Variants in KIRREL3 observed in about 807,000 individuals in gnomAD.
KIRREL3 encodes the protein kin of IRRE-like protein 3.
In KIRREL3, 36 loss-of-function variants were observed where a neutral mutation model predicts 89.7. The ratio of observed to expected loss-of-function variants is 0.40; its 90% CI spans 0.31 to 0.53. The LOEUF (loss-of-function observed/expected upper bound fraction) is 0.53, where lower values mean the gene tolerates loss of function less well. Among genes scored for constraint, KIRREL3 ranks in the 20% least tolerant of loss-of-function variants. The pLI, the probability that KIRREL3 is intolerant of heterozygous loss-of-function variation, is 0.49. For missense variants in KIRREL3, 864 were observed against 1,056.6 expected (o/e 0.82, Z 2.53); for synonymous variants, 445 against 441.4 (o/e 1.01, Z -0.10).
chr11:126,789,367 C>T (rs1950570396), intron 1 of KIRREL3, among the ~76,000 whole-genome samples: 1 of 152,176 alleles, frequency 6.6e-6, no homozygotes, highest in African/African-American at 2.4e-5. Flanking sequence ...GGACCATTCC[C>T]ACAAAGCAGA....
chr11:126,513,593 C>T lies in KIRREL3; in HGVS notation c.433+7722G>A, dbSNP rs534440166. On this transcript the variant is annotated intron_variant, in intron 4 of 16. Coordinates refer to ENST00000525144, the MANE Select transcript of KIRREL3 (RefSeq NM_032531.4). The surrounding 1 kb of genome is among the most constrained non-coding windows in gnomAD (Gnocchi z 5.9). ...CCACCTCATTTCCCAACATGAGGGACGACCCCAGGCTGGGGGAGAGTTTTG... is the reference window on the plus strand; with the variant it reads ...CCACCTCATTTCCCAACATGAGGGATGACCCCAGGCTGGGGGAGAGTTTTG... 4.6e-5 allele frequency among the ~76,000 whole-genome samples: 7 copies of T among 152,148 alleles called. No individual in the cohort carries two copies. Among genetic ancestry groups the T allele is most frequent in the African/African-American group, 1.2e-4 (5 of 41,438 alleles).
Position 126,557,341 on chromosome 11 carries a change from G to A in KIRREL3, c.133+5494C>T, listed in dbSNP as rs1377648758. 6.6e-6 allele frequency among the ~76,000 whole-genome samples: 1 copy of A among 152,210 alleles called. No homozygotes were observed. On this transcript the variant is annotated intron_variant, in intron 2 of 16. Coordinates refer to ENST00000525144, the MANE Select transcript of KIRREL3 (RefSeq NM_032531.4). This position sits in a 1 kb window ranked among gnomAD's most constrained non-coding sequence, Gnocchi z 5.6. The stretch of plus-strand genomic sequence containing the variant: ...GGAAAGCCAGTCTATTGACTTTTTT[G>A]TACTGGTTCCTTTGGTGACCAAGAC...
rs928961789 is a variant in KIRREL3, at chr11:126,558,846, G to A, written c.133+3989C>T. ...TGTGCACACATGTGGGTGTATGTGT[G>A]CATGTGTATACATGTGTGCAGGTGT... is the stretch of plus-strand genomic sequence containing the variant. On this transcript the variant is annotated intron_variant, in intron 2 of 16. Transcript: ENST00000525144. The surrounding 1 kb of genome is among the most constrained non-coding windows in gnomAD (Gnocchi z 4.0). Among the ~76,000 whole-genome samples, 4 of 152,170 alleles carry A rather than the reference G, an allele frequency of 2.6e-5. No individual in the cohort carries two copies. The highest frequency in any genetic ancestry group is 7.2e-5 in the African/African-American group (3 of 41,430).
At position 126,521,215 on chromosome 11, in the gene KIRREL3, GA is replaced by G; in HGVS notation, c.433+99del. ...CTGGAGCCCTGTGGGATGATCCCCA[GA>G]GGGGAGTCTCCCCATGTCTGACCAA... On this transcript the variant is annotated intron_variant, in intron 4 of 16. Transcript: ENST00000525144. This position sits in a 1 kb window ranked among gnomAD's most constrained non-coding sequence, Gnocchi z 4.1. 1 of 1,267,316 alleles carries G rather than the reference GA, an allele frequency of 7.9e-7. No individual in the cohort carries two copies. The highest frequency in any genetic ancestry group is 1.0e-6 in the Non-Finnish European group (1 of 955,302). The allele number at this position is 1,267,316 out of a possible 1,614,324, so 78.5% of individuals were successfully genotyped here.
Position 126,431,210 on chromosome 11 carries a change from T to C in KIRREL3, c.1696+209A>G, listed in dbSNP as rs1241416942. The C allele has an allele frequency of 6.7e-7, 1 of 1,493,826 alleles. No individual in the cohort carries two copies. Among genetic ancestry groups the C allele is most frequent in the Non-Finnish European group, 9.0e-7 (1 of 1,117,132 alleles). 92.5% of individuals were successfully genotyped at this position (1,493,826 alleles called of 1,614,324 possible). A position where few individuals can be genotyped will look rare whatever the true frequency, so the allele number is the denominator to read the frequency against. On this transcript the variant is annotated intron_variant, in intron 14 of 16. Coordinates refer to ENST00000525144, the MANE Select transcript of KIRREL3 (RefSeq NM_032531.4). This position sits in a 1 kb window ranked among gnomAD's most constrained non-coding sequence, Gnocchi z 7.1. ...CAGATGAAGTTCAGTCTAGTCCAGG[T>C]CAACCTCAGCCTAGCGCCCACTCTG...
At position 126,801,965 on chromosome 11, in the gene KIRREL3, C is replaced by T. The variant is rs79347926; in HGVS notation, c.55+198490G>A. Among the ~76,000 whole-genome samples the T allele has an allele frequency of 6.6e-3, 1,007 of 152,174 alleles. 8 individuals carry two copies. The highest frequency in any genetic ancestry group is 0.021 in the African/African-American group (868 of 41,520). ...AAAAATTGAATCAGTATCCTAAAAT[C>T]TAAGAAAAGCAAAAGTAAGATTTCA... is the stretch of plus-strand genomic sequence containing the variant. On this transcript the variant is annotated intron_variant, in intron 1 of 16. Transcript: ENST00000525144.
chr11:126,532,942 T>G (rs1348011696), intron 2 of KIRREL3, among the ~76,000 whole-genome samples: 1 of 152,016 alleles, frequency 6.6e-6, no homozygotes, highest in Non-Finnish European at 1.5e-5. Context: ...ATATTTTTAT[T>G]GCTATAAAAT....
intron 1 of KIRREL3, among the ~76,000 whole-genome samples, chr11:126,592,510 C>T (rs1252996360): frequency 6.6e-6 from 1 of 152,216 alleles, no homozygotes; most frequent in Admixed American, 6.5e-5. Flanking sequence ...CACCCTGTAG[C>T]TTCTCCAAGA....
rs1939635660 is a variant in KIRREL3, at chr11:126,555,503, T to A, written c.133+7332A>T. On this transcript the variant is annotated intron_variant, in intron 2 of 16. Coordinates refer to ENST00000525144, the MANE Select transcript of KIRREL3 (RefSeq NM_032531.4). The surrounding 1 kb of genome is among the most constrained non-coding windows in gnomAD (Gnocchi z 4.2). ...GCATCACTGGAGCAGAGACTTGAGC[T>A]GTGATTTGAAGGATGAGCGGGAATT... Among the ~76,000 whole-genome samples, 1 of 152,076 alleles carries A rather than the reference T, an allele frequency of 6.6e-6. No individual in the cohort carries two copies. The highest frequency in any genetic ancestry group is 2.1e-4 in the South Asian group (1 of 4,828).
chr11:126,774,730 G>A (rs374622267), intron 1 of KIRREL3, among the ~76,000 whole-genome samples: 1 of 152,140 alleles, frequency 6.6e-6, no homozygotes, highest in Non-Finnish European at 1.5e-5. Context: ...TAAGCCCATG[G>A]GCTGGGTTGG....
At position 126,668,224 on chromosome 11, in the gene KIRREL3, G is replaced by A. The variant is rs904232874; in HGVS notation, c.56-105312C>T. Among the ~76,000 whole-genome samples the A allele has an allele frequency of 6.6e-6, 1 of 152,154 alleles. No individual in the cohort carries two copies. The highest frequency in any genetic ancestry group is 2.4e-5 in the African/African-American group (1 of 41,426). On this transcript the variant is annotated intron_variant, in intron 1 of 16. Transcript: ENST00000525144. This position sits in a 1 kb window ranked among gnomAD's most constrained non-coding sequence, Gnocchi z 4.4. ...GAGGGCTGGCTTCTTCATAGGCAGT[G>A]CCTTCTCTCTGTGTCCTTACATCGT...
Position 126,527,627 on chromosome 11 carries a change from G to T in KIRREL3, c.134-940C>A, listed in dbSNP as rs550471478. Among the ~76,000 whole-genome samples, 1 of 152,142 alleles carries T rather than the reference G, an allele frequency of 6.6e-6. No homozygotes were observed. Among genetic ancestry groups the T allele is most frequent in the African/African-American group, 2.4e-5 (1 of 41,440 alleles). On this transcript the variant is annotated intron_variant, in intron 2 of 16. Coordinates refer to ENST00000525144, the MANE Select transcript of KIRREL3 (RefSeq NM_032531.4). This position sits in a 1 kb window ranked among gnomAD's most constrained non-coding sequence, Gnocchi z 4.2. ...TTGTGAATTGCTCACCAAGTACGGC[G>T]CATGCCCTGACTCTAGTTATCACCG...
In KIRREL3 at chr11:126,909,601, A is replaced by G. The variant is rs559966994; in HGVS notation, c.55+90854T>C. Among the ~76,000 whole-genome samples the G allele has an allele frequency of 1.2e-4, 18 of 152,202 alleles. No homozygotes were observed. In the East Asian group the frequency reaches 3.5e-3, roughly 29 times the overall value. Reference sequence around the variant, plus strand: ...CTCTGCTGAATGGAGTCGCAACAGCACCTGTCTCTGGTGTCCTCCACCCTT... The same window carrying G: ...CTCTGCTGAATGGAGTCGCAACAGCGCCTGTCTCTGGTGTCCTCCACCCTT... On this transcript the variant is annotated intron_variant, in intron 1 of 16. Transcript: ENST00000525144. This position sits in a 1 kb window ranked among gnomAD's most constrained non-coding sequence, Gnocchi z 4.5.
In KIRREL3 at chr11:126,860,059, G is replaced by T. The variant is rs1238689748; in HGVS notation, c.55+140396C>A. 6.6e-6 allele frequency among the ~76,000 whole-genome samples: 1 copy of T among 152,172 alleles called. No individual in the cohort carries two copies. The highest frequency in any genetic ancestry group is 2.4e-5 in the African/African-American group (1 of 41,436). On this transcript the variant is annotated intron_variant, in intron 1 of 16. Coordinates refer to ENST00000525144, the MANE Select transcript of KIRREL3 (RefSeq NM_032531.4). The surrounding 1 kb of genome is among the most constrained non-coding windows in gnomAD (Gnocchi z 4.6). ...GTCTGAGAAGCGTAATCTGAAAGGGGACAGACATTTTTGACCAATAGATTA... is the reference window on the plus strand; with the variant it reads ...GTCTGAGAAGCGTAATCTGAAAGGGTACAGACATTTTTGACCAATAGATTA...
chr11:126,456,690 A>G (rs2134234669), intron 6 of KIRREL3, among the ~76,000 whole-genome samples: 1 of 152,228 alleles, frequency 6.6e-6, no homozygotes, highest in East Asian at 1.9e-4. Flanking sequence ...ACGAACCCCG[A>G]GCCAGGAAGC....
At chr11:126,923,396 T>TTCTTC (rs10654309) in intron 1 of KIRREL3, among the ~76,000 whole-genome samples, 1,974 of 97,206 alleles carry the variant, frequency 0.02, 48 homozygotes, top group African/African-American at 0.033. Context: ...CTTCCTCTTC[T>TTCTTC]TTCTTCTTCT....
chr11:126,978,771 A>T lies in KIRREL3; in HGVS notation c.55+21684T>A, dbSNP rs615586. On this transcript the variant is annotated intron_variant, in intron 1 of 16. Coordinates refer to ENST00000525144, the MANE Select transcript of KIRREL3 (RefSeq NM_032531.4). The surrounding 1 kb of genome is among the most constrained non-coding windows in gnomAD (Gnocchi z 4.2). ...CTGTTCCCCCAAGGTGGGCTAGGCAACCCTAGTGTCTGCTCCCACAGGAGC... is the reference window on the plus strand; with the variant it reads ...CTGTTCCCCCAAGGTGGGCTAGGCATCCCTAGTGTCTGCTCCCACAGGAGC... Among the ~76,000 whole-genome samples, 21,888 of 151,974 alleles carry T rather than the reference A, an allele frequency of 0.14. 1,881 individuals carry two copies. The highest frequency in any genetic ancestry group is 0.21 in the African/African-American group (8,887 of 41,450).
At chr11:126,591,013 C>T (rs1942106630) in intron 1 of KIRREL3, among the ~76,000 whole-genome samples, 1 of 152,172 alleles carries the variant, frequency 6.6e-6, no homozygotes, top group Non-Finnish European at 1.5e-5. Flanking sequence ...ATCACTTGAG[C>T]CCAGGAGTTT....
In KIRREL3 at chr11:126,978,061, C is replaced by G. The variant is rs533867773; in HGVS notation, c.55+22394G>C. ...CAGCCTCCTTCTCCAGCACGGCAGC[C>G]CACCAAAAGTGCCTCCTTCCAAGCC... On this transcript the variant is annotated intron_variant, in intron 1 of 16. Transcript: ENST00000525144. This position sits in a 1 kb window ranked among gnomAD's most constrained non-coding sequence, Gnocchi z 4.2. Among the ~76,000 whole-genome samples, 153 of 152,260 alleles carry G rather than the reference C, an allele frequency of 1.0e-3. No homozygotes were observed. The Middle Eastern group carries it at 0.01, about 10-fold the overall frequency.
Sources: allele counts gnomAD v4.1 joint callset (sites outside exome capture counted in the v4.1 genomes callset), GRCh38; gene constraint gnomAD v4.1.1; non-coding constraint Gnocchi (gnomAD v3.1); transcripts MANE v1.5; gene names NCBI Gene and HGNC (gene_info 2026-07-23, HGNC 2026-07-21).